BACH2: variants seen among roughly 807,000 people sequenced by gnomAD.
BACH2 encodes the protein transcription regulator protein BACH2.
Under a neutral mutation model 61.8 loss-of-function variants are expected in BACH2, and 5 were observed. That is an observed-to-expected ratio of 0.08 (90% CI 0.04 to 0.17). The LOEUF is 0.17. Among genes scored for constraint, BACH2 ranks in the 10% least tolerant of loss-of-function variants. The probability of loss-of-function intolerance (pLI) is 1.00; values close to 1 mark genes in which losing one functional copy is unlikely to be tolerated. For missense variants in BACH2, 824 were observed against 1,091.1 expected, an observed-to-expected ratio of 0.76 and a Z score of 3.45; for synonymous variants, 446 against 440.1, an observed-to-expected ratio of 1.01 and a Z score of -0.17.
rs2128352043 is a variant in BACH2 at position 89,931,619 on chromosome 6, A to C, written c.*789T>G. ...ACAAAAACAAAAACAAAAACAAACAAAACCCCCCAAACAAACAAAAAACAA... is the reference window on the plus strand; with the variant it reads ...ACAAAAACAAAAACAAAAACAAACACAACCCCCCAAACAAACAAAAAACAA... On this transcript the variant is annotated 3_prime_UTR_variant, in exon 9 of 9. Coordinates refer to ENST00000257749, the MANE Select transcript of BACH2 (RefSeq NM_021813.4). 1 of 152,454 alleles carries C rather than the reference A, an allele frequency of 6.6e-6. No homozygotes were observed. Among genetic ancestry groups the C allele is most frequent in the East Asian group, 1.9e-4 (1 of 5,224 alleles). The allele number at this position is 152,454 out of a possible 1,614,324, so 9.4% of individuals were successfully genotyped here. A position where few individuals can be genotyped will look rare whatever the true frequency, so the allele number is the denominator to read the frequency against.
chr6:89,936,741 C>A (rs904138076), intron 8 of BACH2, among the ~76,000 whole-genome samples: 7 of 152,084 alleles, frequency 4.6e-5, no homozygotes, highest in African/African-American at 1.7e-4. Flanking sequence ...AACAAAAAAC[C>A]CTGACGTCCA....
At chr6:90,058,371 C>T (rs1780486691) in intron 5 of BACH2, among the ~76,000 whole-genome samples, 1 of 152,142 alleles carries the variant, frequency 6.6e-6, no homozygotes, top group Non-Finnish European at 1.5e-5. Context: ...CTCCCATTCA[C>T]AATTGCTTCA....
At chr6:90,241,028 G>C (rs2127864847) in intron 3 of BACH2, among the ~76,000 whole-genome samples, 1 of 151,578 alleles carries the variant, frequency 6.6e-6, no homozygotes, top group South Asian at 2.1e-4. Context: ...CCAGCTACTT[G>C]GGAGGCTGAG....
chr6:90,003,153 G>T lies in BACH2; in HGVS notation c.243+5449C>A, dbSNP rs1180015156. Among the ~76,000 whole-genome samples, 5 of 152,078 alleles carry T rather than the reference G, an allele frequency of 3.3e-5. No homozygotes were observed. In the East Asian group the frequency reaches 5.8e-4, roughly 18 times the overall value. ...TCAAAATGACCTGTGAAACTCTCCAGTGGCCAGCTCGTTCCAAAAAAAGAC... is the reference window on the plus strand; with the variant it reads ...TCAAAATGACCTGTGAAACTCTCCATTGGCCAGCTCGTTCCAAAAAAAGAC... On this transcript the variant is annotated intron_variant, in intron 6 of 8. Coordinates refer to ENST00000257749, the MANE Select transcript of BACH2 (RefSeq NM_021813.4).
intron 4 of BACH2, among the ~76,000 whole-genome samples, chr6:90,141,831 AGCACTTTGGGAG>A (rs2127827017): frequency 6.6e-6 from 1 of 152,332 alleles, no homozygotes; most frequent in South Asian, 2.1e-4. Flanking sequence ...CTGTAATCCC[AGCACTTTGGGAG>A]GCCAAGGAGG....
At chr6:90,187,862 A>G (rs1013871537) in intron 4 of BACH2, among the ~76,000 whole-genome samples, 2 of 152,172 alleles carry the variant, frequency 1.3e-5, no homozygotes, top group Non-Finnish European at 2.9e-5. Context: ...TACATTTTAG[A>G]TAGAGGCTGT....
chr6:90,034,560 T>C (rs1367763234), intron 5 of BACH2, among the ~76,000 whole-genome samples: 1 of 152,228 alleles, frequency 6.6e-6, no homozygotes, highest in African/African-American at 2.4e-5. Context: ...TCTTCTGAGT[T>C]GCTGAAAATA....
chr6:90,276,313 T>C (rs1771688929), intron 1 of BACH2, among the ~76,000 whole-genome samples: 1 of 152,238 alleles, frequency 6.6e-6, no homozygotes, highest in African/African-American at 2.4e-5. Context: ...GTAACATGCC[T>C]AGGGCCATCC....
At chr6:90,021,366 AG>A (rs1430242549) in intron 5 of BACH2, among the ~76,000 whole-genome samples, 3 of 152,112 alleles carry the variant, frequency 2.0e-5, no homozygotes, top group African/African-American at 7.2e-5. Context: ...TTCACAAAAA[AG>A]TAGAATGTTA....
At position 89,992,464 on chromosome 6, in the gene BACH2, A is replaced by T. The variant is rs568583026; in HGVS notation, c.243+16138T>A. Among the ~76,000 whole-genome samples the T allele has an allele frequency of 2.0e-5, 3 of 152,272 alleles. No homozygotes were observed. The South Asian group carries it at 6.2e-4, about 32-fold the overall frequency. ...GAGACCAGCCTGACCAGCATGGAAA[A>T]ACCCCATCTCTATTAAAAGTACAAA... On this transcript the variant is annotated intron_variant, in intron 6 of 8. Coordinates refer to ENST00000257749, the MANE Select transcript of BACH2 (RefSeq NM_021813.4).
chr6:90,031,941 C>G (rs960560359), intron 5 of BACH2, among the ~76,000 whole-genome samples: 18 of 152,286 alleles, frequency 1.2e-4, no homozygotes, highest in Non-Finnish European at 2.5e-4. Flanking sequence ...CATCATGCTA[C>G]CTGACTTCAA....
chr6:90,036,500 A>T (rs982542806), intron 5 of BACH2, among the ~76,000 whole-genome samples: 1 of 152,196 alleles, frequency 6.6e-6, no homozygotes, highest in Non-Finnish European at 1.5e-5. Flanking sequence ...ATTTACAGAA[A>T]CATTTAAAGA....
rs1772489481 is a variant in BACH2 at position 89,928,892 on chromosome 6, CT to C, written c.*3515del. The C allele has an allele frequency of 6.6e-6, 1 of 151,100 alleles. No homozygotes were observed. Among genetic ancestry groups the C allele is most frequent in the Non-Finnish European group, 1.5e-5 (1 of 67,774 alleles). The allele number at this position is 151,100 out of a possible 1,614,324, so 9.4% of individuals were successfully genotyped here. A position where few individuals can be genotyped will look rare whatever the true frequency, so the allele number is the denominator to read the frequency against. The stretch of plus-strand genomic sequence containing the variant: ...TTTTTTTTTTTTAAAGTTTTTCTAA[CT>C]GTTTTGTTCCAGAATCAGTATGTAA... On this transcript the variant is annotated 3_prime_UTR_variant, in exon 9 of 9. Transcript: ENST00000257749.
Position 89,928,852 on chromosome 6 carries a change from C to T in BACH2, c.*3556G>A, listed in dbSNP as rs923820333. On this transcript the variant is annotated 3_prime_UTR_variant, in exon 9 of 9. Transcript: ENST00000257749. The stretch of plus-strand genomic sequence containing the variant: ...CAGAAGATAAATAGCAGGATGGCCT[C>T]GTAACTTTGTCGGTTTTTTTTTTTT... 2.1e-5 allele frequency: 3 copies of T among 144,516 alleles called. No homozygotes were observed. Among genetic ancestry groups the T allele is most frequent in the South Asian group, 2.4e-4 (1 of 4,234 alleles). 9.0% of individuals were successfully genotyped at this position (144,516 alleles called of 1,614,324 possible).
At chr6:90,121,109 T>C (rs1783605192) in intron 4 of BACH2, among the ~76,000 whole-genome samples, 1 of 152,082 alleles carries the variant, frequency 6.6e-6, no homozygotes, top group Non-Finnish European at 1.5e-5. Context: ...AGACTGAAAA[T>C]GGAAATCATG....
intron 5 of BACH2, among the ~76,000 whole-genome samples, chr6:90,024,875 T>C (rs188008333): frequency 4.7e-4 from 72 of 152,318 alleles, no homozygotes; most frequent in African/African-American, 1.4e-3. Flanking sequence ...TGAGCAATAG[T>C]TCGGCATTCT....
chr6:90,107,376 A>C (rs539765065), intron 4 of BACH2, among the ~76,000 whole-genome samples: 2 of 152,306 alleles, frequency 1.3e-5, no homozygotes, highest in East Asian at 3.9e-4. Context: ...GTCTCAAAAA[A>C]AAACAAAAAA....
Position 89,932,084 on chromosome 6 carries a change from G to C in BACH2, c.*324C>G, listed in dbSNP as rs1431504179. 1 of 226,072 alleles carries C rather than the reference G, an allele frequency of 4.4e-6. No individual in the cohort carries two copies. Among genetic ancestry groups the C allele is most frequent in the Admixed American group, 5.0e-5 (1 of 19,880 alleles). 14.0% of individuals were successfully genotyped at this position (226,072 alleles called of 1,614,324 possible). ...TCCTGAGATAGGGTTTGTGACATGG[G>C]CCACTGAGAAAAAAAATCCGTGGTT... On this transcript the variant is annotated 3_prime_UTR_variant, in exon 9 of 9. Coordinates refer to ENST00000257749, the MANE Select transcript of BACH2 (RefSeq NM_021813.4).
At chr6:90,275,946 G>A (rs1383361945) in intron 1 of BACH2, among the ~76,000 whole-genome samples, 1 of 151,548 alleles carries the variant, frequency 6.6e-6, no homozygotes, top group Non-Finnish European at 1.5e-5. Flanking sequence ...TCCAGCCTGG[G>A]TGACAGGGCT....
Sources: gnomAD v4.1 joint callset for allele counts (sites outside exome capture counted in the v4.1 genomes callset) on GRCh38, gnomAD v4.1.1 for gene constraint, MANE v1.5 for transcripts, NCBI Gene and HGNC (gene_info 2026-07-23, HGNC 2026-07-21) for gene names.